The following DNAAF10 variants were observed in gnomAD, a reference collection of about 807,000 sequenced individuals.
DNAAF10 encodes dynein axonemal assembly factor 10, also known as WD repeat domain 92.
In DNAAF10, 28 loss-of-function variants were observed where a neutral mutation model predicts 43.7. The ratio of observed to expected loss-of-function variants is 0.64; its 90% CI spans 0.48 to 0.88. DNAAF10 has a LOEUF of 0.88. Ranked by LOEUF, DNAAF10 falls within the 40% of genes least tolerant of loss-of-function variation. DNAAF10 has a pLI of 0.00. For missense variants in DNAAF10, 403 were observed against 439.1 expected, an observed-to-expected ratio of 0.92 and a Z score of 0.73; for synonymous variants, 156 against 157.3, an observed-to-expected ratio of 0.99 and a Z score of 0.06.
intron 6 of DNAAF10, 110 bp downstream of exon 6, chr2:68,137,189 T>A: frequency 7.9e-7 from 1 of 1,258,534 alleles, no homozygotes; most frequent in Non-Finnish European, 1.1e-6. Flanking sequence ...ATATCAAAAA[T>A]AGCTCCCTTC....
chr2:68,139,620 C>T (rs556576033), intron 4 of DNAAF10, among the ~76,000 whole-genome samples: 78 of 140,864 alleles, frequency 5.5e-4, no homozygotes, highest in Middle Eastern at 7.2e-3. Flanking sequence ...CCTGTCTCTA[C>T]TAAAAAAAAA....
chr2:68,140,646 C>T (rs915101097), intron 4 of DNAAF10, among the ~76,000 whole-genome samples: 2 of 152,128 alleles, frequency 1.3e-5, no homozygotes, highest in South Asian at 2.1e-4. Flanking sequence ...TCCTAAAGCT[C>T]GGATTTCATC....
At position 68,131,110 on chromosome 2, in the gene DNAAF10, G is replaced by A. The variant is rs534195009; in HGVS notation, c.*128C>T. The A allele has an allele frequency of 6.8e-5, 59 of 869,756 alleles. No individual in the cohort carries two copies. In the African/African-American group the frequency reaches 9.1e-4, roughly 13 times the overall value. The allele number at this position is 869,756 out of a possible 1,614,324, so 53.9% of individuals were successfully genotyped here. On this transcript the variant is annotated 3_prime_UTR_variant, in exon 8 of 8. Coordinates refer to ENST00000295121, the MANE Select transcript of DNAAF10 (RefSeq NM_138458.4). ...TTTTTTTATATTTTTAGTAGAGACG[G>A]GGTTTCACCATGTTAGCCAGGATGG...
intron 6 of DNAAF10, 77 bp downstream of exon 6, chr2:68,137,222 T>A: frequency 1.4e-6 from 2 of 1,453,084 alleles, no homozygotes; most frequent in Non-Finnish European, 1.8e-6. Flanking sequence ...GGAAGAAACC[T>A]TGGTGACTAA....
intron 6 of DNAAF10, 66 bp from the exon 7 acceptor site, chr2:68,134,865 C>G: frequency 6.4e-7 from 1 of 1,557,250 alleles, no homozygotes; most frequent in Non-Finnish European, 8.8e-7. Flanking sequence ...AGAAACGCTG[C>G]AAATAAAAAA....
intron 3 of DNAAF10, among the ~76,000 whole-genome samples, chr2:68,144,238 G>C (rs1375317532): frequency 6.6e-6 from 1 of 152,144 alleles, no homozygotes. Flanking sequence ...TTTAAAAAAA[G>C]AAAATGAAAA....
Position 68,131,717 on chromosome 2 carries a change from T to G in DNAAF10, c.867-272A>C, listed in dbSNP as rs1187863281. On this transcript the variant is annotated intron_variant, in intron 7 of 7. Coordinates refer to ENST00000295121, the MANE Select transcript of DNAAF10 (RefSeq NM_138458.4). ...CGTGTATCTGTATTTTCTCTTTTAA[T>G]ATGAAAGTTCTAGGTTGATCTAGGA... is the stretch of plus-strand genomic sequence containing the variant. 5 of 363,486 alleles carry G rather than the reference T, an allele frequency of 1.4e-5. No homozygotes were observed. In the East Asian group the frequency reaches 1.6e-4, roughly 12 times the overall value. The allele number at this position is 363,486 out of a possible 1,614,324, so 22.5% of individuals were successfully genotyped here. A position where few individuals can be genotyped will look rare whatever the true frequency, so the allele number is the denominator to read the frequency against.
At chr2:68,153,696 A>G (rs923004479) in intron 1 of DNAAF10, among the ~76,000 whole-genome samples, 7 of 150,168 alleles carry the variant, frequency 4.7e-5, no homozygotes, top group African/African-American at 1.5e-4. Flanking sequence ...TATTTAACCT[A>G]TATTTAAAAA....
At chr2:68,147,413 C>A in intron 2 of DNAAF10, 54 bp downstream of exon 2, 1 of 1,304,098 alleles carries the variant, frequency 7.7e-7, no homozygotes, top group South Asian at 1.2e-5. Context: ...AGTAATGAAA[C>A]TATCAAATAA....
chr2:68,135,171 A>G (rs1673011290), intron 6 of DNAAF10, among the ~76,000 whole-genome samples: 1 of 152,198 alleles, frequency 6.6e-6, no homozygotes, highest in African/African-American at 2.4e-5. Flanking sequence ...TTTTGTTTAT[A>G]TATACGAAAA....
chr2:68,147,452 A>G lies in DNAAF10; in HGVS notation c.284+15T>C. The G allele has an allele frequency of 6.3e-7, 1 of 1,592,158 alleles. No homozygotes were observed. Among genetic ancestry groups the G allele is most frequent in the Non-Finnish European group, 8.6e-7 (1 of 1,161,938 alleles). ...GCCTATCTCATCTGTCTGAATACTG[A>G]CTAAATCATCTTACCATATATGAAG... is the stretch of plus-strand genomic sequence containing the variant. On this transcript the variant is annotated intron_variant, in intron 2 of 7. Transcript: ENST00000295121.
chr2:68,155,313 G>C (rs1268927078), intron 1 of DNAAF10, among the ~76,000 whole-genome samples: 1 of 152,018 alleles, frequency 6.6e-6, no homozygotes, highest in Non-Finnish European at 1.5e-5. Context: ...CCAACATGGT[G>C]AAACCCCATC....
At chr2:68,146,850 T>C (rs1673328238) in intron 2 of DNAAF10, among the ~76,000 whole-genome samples, 1 of 152,216 alleles carries the variant, frequency 6.6e-6, no homozygotes, top group Admixed American at 6.5e-5. Context: ...AACACTGCTG[T>C]ATACTTTAAA....
intron 3 of DNAAF10, among the ~76,000 whole-genome samples, chr2:68,142,184 AC>A (rs1410254703): frequency 6.6e-6 from 1 of 152,198 alleles, no homozygotes; most frequent in East Asian, 1.9e-4. Flanking sequence ...ACCCATTTTA[AC>A]CATTGGCATG....
intron 5 of DNAAF10, among the ~76,000 whole-genome samples, chr2:68,137,995 A>T (rs1236463202): frequency 1.3e-5 from 2 of 150,822 alleles, no homozygotes; most frequent in Non-Finnish European, 3.0e-5. Flanking sequence ...TAACACGATG[A>T]AACCCCGTCT....
At chr2:68,139,101 T>C (rs1311245434) in intron 4 of DNAAF10, among the ~76,000 whole-genome samples, 2 of 152,214 alleles carry the variant, frequency 1.3e-5, no homozygotes, top group African/African-American at 4.8e-5. Flanking sequence ...AAATCTGATG[T>C]TGACGTATGA....
chr2:68,149,343 T>C (rs1282230775), intron 1 of DNAAF10, among the ~76,000 whole-genome samples: 1 of 152,190 alleles, frequency 6.6e-6, no homozygotes, highest in Non-Finnish European at 1.5e-5. Flanking sequence ...AAAGCACTCA[T>C]ACCTTCCTCA....
intron 5 of DNAAF10, among the ~76,000 whole-genome samples, chr2:68,138,132 G>A (rs1186219001): frequency 6.6e-6 from 1 of 151,990 alleles, no homozygotes; most frequent in Admixed American, 6.6e-5. Context: ...CCAACATCGC[G>A]CCACTGCACT....
In DNAAF10 at chr2:68,147,573, T is replaced by C. The variant is rs745313860; in HGVS notation, c.184-6A>G. On this transcript the variant is annotated splice_polypyrimidine_tract_variant and splice_region_variant and intron_variant, in intron 1 of 7. Transcript: ENST00000295121. ...ATAGGTTTGGCCTTTTCAATCTTCA[T>C]AGAAGGGAGGAAGAGAGGATATATT... 75 of 1,598,336 alleles carry C rather than the reference T, an allele frequency of 4.7e-5. No homozygotes were observed. Among genetic ancestry groups the C allele is most frequent in the Middle Eastern group, 1.7e-4 (1 of 6,050 alleles).
Sources: gnomAD v4.1 joint callset for allele counts (sites outside exome capture counted in the v4.1 genomes callset) on GRCh38, gnomAD v4.1.1 for gene constraint, MANE v1.5 for transcripts, NCBI Gene and HGNC (gene_info 2026-07-23, HGNC 2026-07-21) for gene names.